Variants in WASF3 observed in about 807,000 individuals in gnomAD.
The protein encoded by WASF3 is WASP family member 3.
In WASF3, 11 loss-of-function variants were observed where a neutral mutation model predicts 46.6. That is an observed-to-expected ratio of 0.24 (90% confidence interval 0.15 to 0.39). The LOEUF (loss-of-function observed/expected upper bound fraction) is 0.39, where lower values mean the gene tolerates loss of function less well. Among genes scored for constraint, WASF3 ranks in the 10% least tolerant of loss-of-function variants. The pLI is 1.00. For synonymous variants in WASF3, 242 were observed against 259.7 expected (o/e 0.93, Z 0.65); for missense variants, 576 against 669.8 (o/e 0.86, Z 1.55).
chr13:26,560,572 A>G (rs762280114), intron 1 of WASF3, among the ~76,000 whole-genome samples: 1 of 152,234 alleles, frequency 6.6e-6, no homozygotes, highest in Non-Finnish European at 1.5e-5. Context: ...GGTTGCAAAA[A>G]TAAGAGACAG....
At chr13:26,630,512 G>A (rs918785706) in intron 2 of WASF3, among the ~76,000 whole-genome samples, 11 of 152,190 alleles carry the variant, frequency 7.2e-5, no homozygotes, top group Non-Finnish European at 1.5e-4. Context: ...TGGCTGCACA[G>A]TATTCCATGG....
chr13:26,649,743 ATC>A (rs1882256775), intron 3 of WASF3, among the ~76,000 whole-genome samples: 1 of 152,120 alleles, frequency 6.6e-6, no homozygotes, highest in Non-Finnish European at 1.5e-5. Context: ...TTGGAGAAAA[ATC>A]TCTTTGTTCG....
the WASF3 span, among the ~76,000 whole-genome samples, chr13:26,544,926 C>T: frequency 1.3e-5 from 2 of 152,200 alleles, no homozygotes; most frequent in African/African-American, 2.4e-5. Flanking sequence ...CAGAGTCCAC[C>T]CAGTGTATGC....
At chr13:26,559,294 T>C (rs966363077) in intron 1 of WASF3, among the ~76,000 whole-genome samples, 3 of 152,262 alleles carry the variant, frequency 2.0e-5, no homozygotes, top group South Asian at 2.1e-4. Context: ...TCAACTATTA[T>C]ATTTACCTTC....
At chr13:26,607,497 A>G (rs1256229204) in intron 1 of WASF3, among the ~76,000 whole-genome samples, 1 of 152,198 alleles carries the variant, frequency 6.6e-6, no homozygotes, top group Non-Finnish European at 1.5e-5. Flanking sequence ...TACTTTCCTT[A>G]CAGGGTTAAA....
chr13:26,579,668 C>A (rs1402016020), intron 1 of WASF3, among the ~76,000 whole-genome samples: 1 of 152,032 alleles, frequency 6.6e-6, no homozygotes, highest in Non-Finnish European at 1.5e-5. Context: ...CTGTAACAGC[C>A]CCCTGGACCC....
At chr13:26,614,049 T>C (rs1881060186) in intron 2 of WASF3, among the ~76,000 whole-genome samples, 2 of 152,152 alleles carry the variant, frequency 1.3e-5, no homozygotes, top group Non-Finnish European at 2.9e-5. Flanking sequence ...AATGAGAGGA[T>C]GTATATGGAA....
chr13:26,576,960 T>G, intron 1 of WASF3: 1 of 741,028 alleles, frequency 1.3e-6, no homozygotes, highest in East Asian at 2.5e-5. Context: ...TTGATCCATT[T>G]TCTAAGAAAG....
chr13:26,638,488 T>C (rs753549090), intron 2 of WASF3: 2 of 152,240 alleles, frequency 1.3e-5, no homozygotes, highest in Non-Finnish European at 2.9e-5. Context: ...ACAGACAGAC[T>C]GACTTTGAAG....
At chr13:26,681,033 C>T (rs992998751) in intron 7 of WASF3, 21 bp from the exon 8 acceptor site, 1 of 1,582,596 alleles carries the variant, frequency 6.3e-7, no homozygotes. Flanking sequence ...ATTTCTCCCA[C>T]CTCTTGTTTT....
At chr13:26,539,582 T>TAA in the WASF3 span, among the ~76,000 whole-genome samples, 48 of 150,222 alleles carry the variant, frequency 3.2e-4, no homozygotes, top group African/African-American at 1.1e-3. Flanking sequence ...GGCATTAAAT[T>TAA]AAAAAAAAAA....
At chr13:26,579,611 G>T (rs931014221) in intron 1 of WASF3, among the ~76,000 whole-genome samples, 10 of 151,996 alleles carry the variant, frequency 6.6e-5, no homozygotes, top group African/African-American at 2.4e-4. Context: ...TTTTTTGTTT[G>T]TTTCAGTGAA....
chr13:26,574,782 T>C (rs1278020193), intron 1 of WASF3, among the ~76,000 whole-genome samples: 1 of 152,212 alleles, frequency 6.6e-6, no homozygotes, highest in African/African-American at 2.4e-5. Flanking sequence ...AAGGTGGGAC[T>C]AAGTTTTTCT....
At chr13:26,609,208 G>A (rs935425450) in intron 1 of WASF3, among the ~76,000 whole-genome samples, 2 of 152,142 alleles carry the variant, frequency 1.3e-5, no homozygotes, top group African/African-American at 2.4e-5. Flanking sequence ...TTTGGATGTC[G>A]TGGATAAGTA....
intron 1 of WASF3, among the ~76,000 whole-genome samples, chr13:26,569,161 A>G (rs1285036573): frequency 6.6e-6 from 1 of 152,212 alleles, no homozygotes; most frequent in East Asian, 1.9e-4. Context: ...GGGAGAGAAA[A>G]TAAAATCACA....
At chr13:26,589,234 A>G in intron 1 of WASF3, among the ~76,000 whole-genome samples, 1 of 152,148 alleles carries the variant, frequency 6.6e-6, no homozygotes, top group Non-Finnish European at 1.5e-5. Context: ...TGAGAGTATT[A>G]GTTTGGAAGA....
intron 1 of WASF3, among the ~76,000 whole-genome samples, chr13:26,608,813 C>G (rs573748976): frequency 1.3e-5 from 2 of 152,120 alleles, no homozygotes; most frequent in Non-Finnish European, 2.9e-5. Context: ...GACATTCTTA[C>G]GAGATATATT....
At chr13:26,668,219 A>C (rs1882829163) in intron 5 of WASF3, among the ~76,000 whole-genome samples, 1 of 152,214 alleles carries the variant, frequency 6.6e-6, no homozygotes, top group African/African-American at 2.4e-5. Context: ...AATGGAAAAT[A>C]AATAGTGCAA....
intron 5 of WASF3, among the ~76,000 whole-genome samples, 156 bp from the exon 6 acceptor site, chr13:26,671,716 A>G (rs1337662852): frequency 6.6e-6 from 1 of 152,186 alleles, no homozygotes; most frequent in Non-Finnish European, 1.5e-5. Flanking sequence ...ACATTTTTTC[A>G]AATAAGGAAA....
Sources: gnomAD v4.1 joint callset for allele counts (sites outside exome capture counted in the v4.1 genomes callset) on GRCh38, gnomAD v4.1.1 for gene constraint, MANE v1.5 for transcripts, NCBI Gene and HGNC (gene_info 2026-07-23, HGNC 2026-07-21) for gene names.